CAMKMT: variants seen among roughly 807,000 people sequenced by gnomAD.
CAMKMT encodes the protein CaM KMT.
In CAMKMT, 53 loss-of-function variants were observed where a neutral mutation model predicts 48.0. The ratio of observed to expected loss-of-function variants is 1.10; its 90% CI spans 0.89 to 1.39. The LOEUF is 1.39. Ranked by LOEUF, CAMKMT falls within the 40% of genes most tolerant of loss-of-function variation. The pLI is 0.00. For missense variants in CAMKMT, 428 were observed against 402.7 expected (o/e 1.06, Z -0.54); for synonymous variants, 165 against 152.3 (o/e 1.08, Z -0.61).
chr2:44,661,037 A>G (rs1245176932), intron 3 of CAMKMT, among the ~76,000 whole-genome samples: 1 of 152,110 alleles, frequency 6.6e-6, no homozygotes, highest in Non-Finnish European at 1.5e-5. Context: ...TACCCTTCCA[A>G]TCTATAGTGG....
Position 44,481,005 on chromosome 2 carries a change from G to A in CAMKMT, c.376+90700G>A, listed in dbSNP as rs184435952. ...ATACTTTCTATCATCCATATTATGTGTGTGTGTGTGTGTATGTATATATGA... is the reference window on the plus strand; with the variant it reads ...ATACTTTCTATCATCCATATTATGTATGTGTGTGTGTGTATGTATATATGA... On this transcript the variant is annotated intron_variant, in intron 3 of 10. Coordinates refer to ENST00000378494, the MANE Select transcript of CAMKMT (RefSeq NM_024766.5). Among the ~76,000 whole-genome samples the A allele has an allele frequency of 8.5e-5, 13 of 152,102 alleles. No individual in the cohort carries two copies. The East Asian group carries it at 2.5e-3, about 29-fold the overall frequency.
chr2:44,716,755 T>C (rs908453704), intron 7 of CAMKMT, among the ~76,000 whole-genome samples: 3 of 152,206 alleles, frequency 2.0e-5, no homozygotes, highest in Non-Finnish European at 4.4e-5. Context: ...CTTTTAGTTA[T>C]CAATCAAAAG....
chr2:44,599,651 A>G (rs180755564), intron 3 of CAMKMT, among the ~76,000 whole-genome samples: 1 of 152,160 alleles, frequency 6.6e-6, no homozygotes, highest in East Asian at 1.9e-4. Context: ...AAGAACCTCA[A>G]ACATAATCAT....
At chr2:44,545,894 A>G (rs764223926) in intron 3 of CAMKMT, among the ~76,000 whole-genome samples, 2 of 152,138 alleles carry the variant, frequency 1.3e-5, no homozygotes, top group Non-Finnish European at 2.9e-5. Context: ...CAACTCATTT[A>G]AAACAAGTCT....
chr2:44,658,875 C>G (rs1674520547), intron 3 of CAMKMT, among the ~76,000 whole-genome samples: 1 of 152,204 alleles, frequency 6.6e-6, no homozygotes, highest in African/African-American at 2.4e-5. Flanking sequence ...GGACTGCTAG[C>G]AAACATGGAG....
chr2:44,675,213 C>T (rs1573049014), intron 3 of CAMKMT, among the ~76,000 whole-genome samples: 1 of 152,140 alleles, frequency 6.6e-6, no homozygotes, highest in Non-Finnish European at 1.5e-5. Flanking sequence ...GTGTTCCTTG[C>T]CTCCTCAACT....
At position 44,589,693 on chromosome 2, in the gene CAMKMT, C is replaced by T. The variant is rs1176265176; in HGVS notation, c.377-114590C>T. On this transcript the variant is annotated intron_variant, in intron 3 of 10. Transcript: ENST00000378494. ...AACAGATGCTTGAAGTCAGCATGCT[C>T]GTTAAGAGTCGTGTCACCACTCCCT... Among the ~76,000 whole-genome samples the T allele has an allele frequency of 8.8e-5, 7 of 79,918 alleles. 2 individuals are homozygous for T. Among genetic ancestry groups the T allele is most frequent in the African/African-American group, 3.3e-4 (7 of 20,896 alleles). The allele number at this position is 79,918 out of a possible 152,430, so 52.4% of individuals were successfully genotyped here.
intron 3 of CAMKMT, among the ~76,000 whole-genome samples, chr2:44,694,123 C>CGAA (rs1558800643): frequency 6.6e-6 from 1 of 152,044 alleles, no homozygotes; most frequent in African/African-American, 2.4e-5. Context: ...TCCTCCAGGA[C>CGAA]GAACTATGAG....
chr2:44,605,876 A>T (rs914933926), intron 3 of CAMKMT, among the ~76,000 whole-genome samples: 10 of 152,192 alleles, frequency 6.6e-5, no homozygotes, highest in African/African-American at 2.2e-4. Flanking sequence ...CCACTCATAC[A>T]TAGAGCTTCT....
intron 3 of CAMKMT, among the ~76,000 whole-genome samples, chr2:44,564,659 G>A (rs1668514413): frequency 1.3e-5 from 2 of 152,130 alleles, no homozygotes; most frequent in South Asian, 4.2e-4. Flanking sequence ...TCCTGCCTCA[G>A]CCTCCCGAGT....
intron 3 of CAMKMT, among the ~76,000 whole-genome samples, chr2:44,396,298 T>A (rs1023447604): frequency 1.3e-5 from 2 of 151,816 alleles, no homozygotes; most frequent in Non-Finnish European, 2.9e-5. Context: ...AAAAAGCGCA[T>A]CAAAAAAATT....
chr2:44,594,918 C>G (rs1285751895), intron 3 of CAMKMT, among the ~76,000 whole-genome samples: 1 of 152,062 alleles, frequency 6.6e-6, no homozygotes, highest in African/African-American at 2.4e-5. Context: ...ATCCATCTGA[C>G]AAAGGGGTGA....
chr2:44,771,582 C>T (rs1295406136), intron 10 of CAMKMT, among the ~76,000 whole-genome samples: 3 of 152,156 alleles, frequency 2.0e-5, no homozygotes, highest in African/African-American at 7.2e-5. Flanking sequence ...TTTGCAGTGT[C>T]TTGGGCCCCA....
At chr2:44,670,518 G>A (rs561312444) in intron 3 of CAMKMT, among the ~76,000 whole-genome samples, 25 of 152,186 alleles carry the variant, frequency 1.6e-4, no homozygotes, top group African/African-American at 5.8e-4. Context: ...TGGGCATGCT[G>A]GTGCATACCT....
intron 3 of CAMKMT, among the ~76,000 whole-genome samples, chr2:44,585,269 A>G (rs1254546538): frequency 6.6e-6 from 1 of 152,220 alleles, no homozygotes; most frequent in East Asian, 1.9e-4. Flanking sequence ...GGCTTTGCAA[A>G]GAGCAAATTG....
chr2:44,513,808 A>G (rs1364220795), intron 3 of CAMKMT, among the ~76,000 whole-genome samples: 1 of 152,044 alleles, frequency 6.6e-6, no homozygotes, highest in East Asian at 1.9e-4. Context: ...AAAAATTACT[A>G]AGAAAATCCT....
At chr2:44,588,906 G>A (rs1322822418) in intron 3 of CAMKMT, among the ~76,000 whole-genome samples, 1 of 9,482 alleles carries the variant, frequency 1.1e-4, no homozygotes, top group Non-Finnish European at 2.2e-4. Context: ...CATCCGCCCC[G>A]TCCGGGAGGG....
chr2:44,517,823 A>T (rs564037140), intron 3 of CAMKMT, among the ~76,000 whole-genome samples: 7 of 152,322 alleles, frequency 4.6e-5, no homozygotes, highest in African/African-American at 1.4e-4. Context: ...ACTGAGTTGA[A>T]ATTTCACTGA....
At chr2:44,709,034 G>C (rs952859024) in intron 6 of CAMKMT, among the ~76,000 whole-genome samples, 1 of 152,108 alleles carries the variant, frequency 6.6e-6, no homozygotes, top group Non-Finnish European at 1.5e-5. Context: ...AAACTACAGA[G>C]CTTCCAAAGA....
Sources: allele counts gnomAD v4.1 joint callset (sites outside exome capture counted in the v4.1 genomes callset), GRCh38; gene constraint gnomAD v4.1.1; transcripts MANE v1.5; gene names NCBI Gene and HGNC (gene_info 2026-07-23, HGNC 2026-07-21).